PAAF1: variants seen among roughly 807,000 people sequenced by gnomAD.
PAAF1 encodes proteasomal ATPase associated factor 1, also known as proteasomal ATPase-associated factor 1.
A neutral mutation model predicts 52.8 loss-of-function variants in PAAF1; 46 were observed. That is an observed-to-expected ratio of 0.87 (90% CI 0.69 to 1.11). The LOEUF (loss-of-function observed/expected upper bound fraction) is 1.11, where lower values mean the gene tolerates loss of function less well. Among genes scored for constraint, PAAF1 ranks in the 50% most tolerant of loss-of-function variants. The probability of loss-of-function intolerance (pLI) is 0.00; values close to 1 mark genes in which losing one functional copy is unlikely to be tolerated. For missense variants in PAAF1, 424 were observed against 477.4 expected, an observed-to-expected ratio of 0.89 and a Z score of 1.04; for synonymous variants, 178 against 172.8, an observed-to-expected ratio of 1.03 and a Z score of -0.24.
intron 11 of PAAF1, among the ~76,000 whole-genome samples, chr11:73,925,267 G>A (rs1292364696): frequency 6.6e-6 from 1 of 151,444 alleles, no homozygotes; most frequent in East Asian, 1.9e-4. Context: ...AACCAGCCTA[G>A]GCAATAAGAT....
At chr11:73,888,028 G>A (rs1236619282) in intron 3 of PAAF1, among the ~76,000 whole-genome samples, 1 of 152,170 alleles carries the variant, frequency 6.6e-6, no homozygotes, top group South Asian at 2.1e-4. Flanking sequence ...GATTACAGGC[G>A]TGAGCTACCA....
chr11:73,888,738 G>A (rs1005896508), intron 3 of PAAF1: 1 of 231,332 alleles, frequency 4.3e-6, no homozygotes, highest in Non-Finnish European at 8.3e-6. Flanking sequence ...AAACAGCTAT[G>A]GGTATTATAG....
At chr11:73,896,295 CTT>C (rs201115285) in intron 4 of PAAF1, among the ~76,000 whole-genome samples, 2,304 of 80,048 alleles carry the variant, frequency 0.029, 61 homozygotes, top group African/African-American at 0.11. Flanking sequence ...TTCTTTTTTT[CTT>C]TTTTATTTAT....
intron 11 of PAAF1, among the ~76,000 whole-genome samples, chr11:73,926,367 G>C (rs1219008766): frequency 2.6e-5 from 4 of 152,112 alleles, no homozygotes; most frequent in African/African-American, 4.8e-5. Context: ...CAAAGTGCTC[G>C]GATTACAGGC....
chr11:73,879,979 C>A (rs1171109231), intron 2 of PAAF1: 2 of 151,826 alleles, frequency 1.3e-5, no homozygotes, highest in Non-Finnish European at 2.9e-5. Flanking sequence ...GGGGCTCATA[C>A]CTGTCATCCA....
At chr11:73,895,877 CAGA>C (rs1428621447) in intron 4 of PAAF1, among the ~76,000 whole-genome samples, 4 of 152,170 alleles carry the variant, frequency 2.6e-5, no homozygotes, top group Admixed American at 2.0e-4. Context: ...GAGGCCAAGG[CAGA>C]AGGATAGCTT....
At chr11:73,896,527 C>G (rs1949371558) in intron 4 of PAAF1, among the ~76,000 whole-genome samples, 2 of 151,194 alleles carry the variant, frequency 1.3e-5, no homozygotes, top group Middle Eastern at 6.8e-3. Context: ...CTTCAAGCAT[C>G]TGTTTAACAA....
At chr11:73,917,892 C>G (rs903842268) in intron 9 of PAAF1, among the ~76,000 whole-genome samples, 16 of 149,552 alleles carry the variant, frequency 1.1e-4, no homozygotes, top group African/African-American at 3.9e-4. Context: ...AAAAAAGATA[C>G]AGACTCTGCC....
chr11:73,921,838 G>T, intron 10 of PAAF1: 1 of 1,118,968 alleles, frequency 8.9e-7, no homozygotes, highest in Non-Finnish European at 1.3e-6. Context: ...TGCAGGTTTG[G>T]GATACATTGC....
chr11:73,921,731 C>T, intron 10 of PAAF1: 1 of 1,124,792 alleles, frequency 8.9e-7, no homozygotes, highest in East Asian at 2.7e-5. Flanking sequence ...CAGCGTTTAT[C>T]ATTCTGAGGG....
chr11:73,908,325 A>G (rs574046350), intron 6 of PAAF1, among the ~76,000 whole-genome samples: 3 of 144,178 alleles, frequency 2.1e-5, no homozygotes, highest in Non-Finnish European at 3.0e-5. Flanking sequence ...ATGTGTATAT[A>G]TGTATATATA....
chr11:73,927,143 A>C, intron 11 of PAAF1, 142 bp from the exon 12 acceptor site: 1 of 659,938 alleles, frequency 1.5e-6, no homozygotes, highest in Non-Finnish European at 2.7e-6. Flanking sequence ...TTTTGTAAGC[A>C]CATAATTATG....
intron 2 of PAAF1, 172 bp from the exon 3 acceptor site, chr11:73,887,182 C>T: frequency 1.9e-6 from 1 of 533,154 alleles, no homozygotes; most frequent in Non-Finnish European, 3.3e-6. Flanking sequence ...ACTAAGACAC[C>T]TAATCTAATT....
chr11:73,902,715 G>T (rs35741071), intron 6 of PAAF1, among the ~76,000 whole-genome samples: 8,586 of 151,716 alleles, frequency 0.057, 272 homozygotes, highest in Middle Eastern at 0.099. Flanking sequence ...TATTTTTTTT[G>T]AGATGGAGTC....
chr11:73,921,634 A>G lies in PAAF1; in HGVS notation c.1018+2602A>G, dbSNP rs908886020. 111 of 682,928 alleles carry G rather than the reference A, an allele frequency of 1.6e-4. 3 individuals are homozygous for G. The highest frequency in any genetic ancestry group is 1.5e-3 in the South Asian group (111 of 73,654). 42.3% of individuals were successfully genotyped at this position (682,928 alleles called of 1,614,324 possible). On this transcript the variant is annotated intron_variant, in intron 10 of 11. Coordinates refer to ENST00000310571, the MANE Select transcript of PAAF1 (RefSeq NM_025155.3). ...GAAAATGCTGCCCAGGGCTCTGGAG[A>G]TGGTGGCTGCCCGTGCTCCTTTCAC...
rs1948759813 is a variant in PAAF1 at position 73,877,032 on chromosome 11, C to T, written c.11C>T (p.Pro4Leu). MAA[P>L]LRIQSDWAQA... ...GGAGGCGGGGTCGAGATGGCGGCGC[C>T]TTTGAGGATTCAGAGCGACTGGGCG... The change falls in exon 1 of 12, where the codon CCT becomes CTT. Residue 4 changes from proline to leucine, a missense_variant. Transcript: ENST00000310571. The T allele has an allele frequency of 2.0e-6, 3 of 1,534,528 alleles. No homozygotes were observed. The highest frequency in any genetic ancestry group is 2.0e-5 in the Admixed American group (1 of 48,796).
intron 7 of PAAF1, 149 bp from the exon 8 acceptor site, chr11:73,914,264 C>A (rs1950005265): frequency 4.9e-6 from 3 of 606,688 alleles, no homozygotes; most frequent in Non-Finnish European, 8.8e-6. Context: ...ATAAATAATA[C>A]CACAGTGAGA....
chr11:73,883,916 T>G (rs1948986062), intron 2 of PAAF1, among the ~76,000 whole-genome samples: 1 of 152,228 alleles, frequency 6.6e-6, no homozygotes, highest in African/African-American at 2.4e-5. Flanking sequence ...CATCAATTAA[T>G]GGACACATAT....
At chr11:73,912,071 G>A (rs554789459) in intron 7 of PAAF1, among the ~76,000 whole-genome samples, 1 of 152,002 alleles carries the variant, frequency 6.6e-6, no homozygotes, top group South Asian at 2.1e-4. Flanking sequence ...CATAACACTG[G>A]TTTTCTTCCT....
Sources: gnomAD v4.1 joint callset for allele counts (sites outside exome capture counted in the v4.1 genomes callset) on GRCh38, gnomAD v4.1.1 for gene constraint, MANE v1.5 for transcripts, NCBI Gene and HGNC (gene_info 2026-07-23, HGNC 2026-07-21) for gene names.